The following EMSY variants were observed in gnomAD, a reference collection of about 807,000 sequenced individuals.
EMSY encodes EMSY transcriptional repressor, BRCA2 interacting, also known as BRCA2-interacting transcriptional repressor EMSY.
In EMSY, 26 loss-of-function variants were observed where a neutral mutation model predicts 134.6. The observed-to-expected ratio is 0.19, with a 90% CI of 0.14 to 0.27. The LOEUF (loss-of-function observed/expected upper bound fraction) is 0.27, where lower values mean the gene tolerates loss of function less well. EMSY is among the 10% of genes least tolerant of loss of function. The pLI, the probability that EMSY is intolerant of heterozygous loss-of-function variation, is 1.00. For synonymous variants in EMSY, 579 were observed against 577.8 expected (o/e 1.00, Z -0.03); for missense variants, 1,305 against 1,611.4 (o/e 0.81, Z 3.26).
chr11:76,547,061 C>G (rs1951680140), intron 20 of EMSY: 1 of 454,764 alleles, frequency 2.2e-6, no homozygotes, highest in South Asian at 1.6e-5. Context: ...TCCAGGCTAC[C>G]CCTTAGAAGT....
chr11:76,463,593 G>A (rs1351599813), intron 6 of EMSY, among the ~76,000 whole-genome samples: 6 of 140,508 alleles, frequency 4.3e-5, no homozygotes, highest in African/African-American at 1.6e-4. Flanking sequence ...ACTGCAGTCC[G>A]CAGTCCGGCC....
At chr11:76,460,251 A>G in intron 6 of EMSY, 166 bp downstream of exon 7, 1 of 781,258 alleles carries the variant, frequency 1.3e-6, no homozygotes, top group Non-Finnish European at 2.1e-6. Flanking sequence ...CTAGGTATAT[A>G]TTGCTTTTTT....
chr11:76,493,048 CAG>C (rs1014446173), intron 8 of EMSY, among the ~76,000 whole-genome samples: 92 of 152,228 alleles, frequency 6.0e-4, no homozygotes, highest in South Asian at 6.2e-4. Flanking sequence ...CGTGTGCTCT[CAG>C]GGGCCAGGGA....
At chr11:76,446,016 G>A (rs1419223128) in intron 1 of EMSY, among the ~76,000 whole-genome samples, 1 of 152,104 alleles carries the variant, frequency 6.6e-6, no homozygotes, top group African/African-American at 2.4e-5. Flanking sequence ...AGTTATTTCG[G>A]TTCGGTGTCT....
At chr11:76,463,754 T>G in intron 6 of EMSY, 67 bp from the exon 8 acceptor site, 1 of 1,531,700 alleles carries the variant, frequency 6.5e-7, no homozygotes, top group Non-Finnish European at 8.9e-7. Flanking sequence ...ATAAAGATTT[T>G]AAAAATAAAG....
At chr11:76,537,660 C>T in intron 15 of EMSY, 135 bp from the exon 17 acceptor site, 2 of 729,358 alleles carry the variant, frequency 2.7e-6, no homozygotes, top group Non-Finnish European at 4.3e-6. Flanking sequence ...CTGCTTTTTT[C>T]TTTTCAATTC....
rs751201336 is a variant in EMSY at position 76,460,010 on chromosome 11, G to C, written c.496G>C (p.Val166Leu). 2.5e-6 allele frequency: 4 copies of C among 1,614,162 alleles called. No homozygotes were observed. In the South Asian group the frequency reaches 4.4e-5, roughly 18 times the overall value. The change falls in exon 6 of 21, where the codon GTT (valine) becomes CTT (leucine). Residue 166 changes from valine to leucine, a missense_variant. Physicochemically the swap from Val to Leu is conservative, Grantham distance 32. Transcript: ENST00000334736. ...TGTTCCAAGTGGCAGCATAGCAACG[G>C]TTAAGTCTCCAAGACCTGCCAGTCC...
At chr11:76,518,681 G>A (rs770601754) in intron 11 of EMSY, among the ~76,000 whole-genome samples, 3 of 77,994 alleles carry the variant, frequency 3.8e-5, no homozygotes, top group African/African-American at 8.0e-5. Context: ...GTGTGTGTGC[G>A]CGCATATATA....
chr11:76,492,797 T>G (rs185379825), intron 8 of EMSY, among the ~76,000 whole-genome samples: 74 of 152,132 alleles, frequency 4.9e-4, no homozygotes, highest in African/African-American at 1.7e-3. Flanking sequence ...AGAACCTAAG[T>G]GTGGGATAAA....
At chr11:76,478,340 A>AT (rs371584435) in intron 8 of EMSY, among the ~76,000 whole-genome samples, 4,384 of 122,542 alleles carry the variant, frequency 0.036, 159 homozygotes, top group Admixed American at 0.086. Context: ...CATGTGAATA[A>AT]TTTTTTTTTT....
intron 8 of EMSY, among the ~76,000 whole-genome samples, chr11:76,483,051 C>G (rs12360998): frequency 3.3e-5 from 5 of 152,226 alleles, no homozygotes; most frequent in Non-Finnish European, 7.3e-5. Flanking sequence ...AACAGCGGAT[C>G]TCTCTGCAGA....
Position 76,526,451 on chromosome 11 carries a change from C to T in EMSY, c.1822-11C>T, listed in dbSNP as rs1162687236. 1 of 1,585,116 alleles carries T rather than the reference C, an allele frequency of 6.3e-7. No individual in the cohort carries two copies. Among genetic ancestry groups the T allele is most frequent in the Non-Finnish European group, 8.6e-7 (1 of 1,167,710 alleles). On this transcript the variant is annotated splice_polypyrimidine_tract_variant and intron_variant, in intron 12 of 20. Transcript: ENST00000334736. The stretch of plus-strand genomic sequence containing the variant: ...TATAAATCTCTTATATAATCATTGA[C>T]TTCAATTTAGGGAGAAAAGACTATT...
intron 8 of EMSY, among the ~76,000 whole-genome samples, chr11:76,482,914 A>G (rs1481548479): frequency 6.6e-6 from 1 of 152,074 alleles, no homozygotes; most frequent in Non-Finnish European, 1.5e-5. Flanking sequence ...CCACAAAGAT[A>G]CTCCTCGAGA....
intron 7 of EMSY, among the ~76,000 whole-genome samples, chr11:76,464,342 A>C (rs757081912): frequency 1.3e-5 from 2 of 152,218 alleles, no homozygotes; most frequent in African/African-American, 2.4e-5. Context: ...TCTATTTTAT[A>C]GTTGTAATCC....
chr11:76,462,403 A>C (rs146748556), intron 6 of EMSY, among the ~76,000 whole-genome samples: 1 of 152,338 alleles, frequency 6.6e-6, no homozygotes, highest in East Asian at 1.9e-4. Flanking sequence ...TATTTACCTA[A>C]CTTTGTATGT....
At chr11:76,463,203 G>C (rs1467878351) in intron 6 of EMSY, among the ~76,000 whole-genome samples, 1 of 152,144 alleles carries the variant, frequency 6.6e-6, no homozygotes, top group African/African-American at 2.4e-5. Context: ...TGTAATCCCA[G>C]CTACTTGGGA....
intron 15 of EMSY, 104 bp from the exon 17 acceptor site, chr11:76,537,691 C>T: frequency 2.0e-6 from 2 of 1,007,994 alleles, no homozygotes; most frequent in Non-Finnish European, 2.9e-6. Flanking sequence ...TAGTCACTGC[C>T]AGTGTGGCAC....
At chr11:76,510,535 C>T (rs1950237396) in intron 9 of EMSY, among the ~76,000 whole-genome samples, 1 of 152,148 alleles carries the variant, frequency 6.6e-6, no homozygotes, top group Non-Finnish European at 1.5e-5. Context: ...GGTTGGGGAG[C>T]AGCCAAAGGT....
intron 8 of EMSY, among the ~76,000 whole-genome samples, chr11:76,481,405 T>TC (rs1948975349): frequency 6.6e-6 from 1 of 151,922 alleles, no homozygotes; most frequent in Non-Finnish European, 1.5e-5. Flanking sequence ...AACCATTCAC[T>TC]CCCCTGGAAA....
Sources: allele counts gnomAD v4.1 joint callset (sites outside exome capture counted in the v4.1 genomes callset), GRCh38; gene constraint gnomAD v4.1.1; transcripts MANE v1.5; gene names NCBI Gene and HGNC (gene_info 2026-07-23, HGNC 2026-07-21).